GPATCH8: variants seen among roughly 807,000 people sequenced by gnomAD.
GPATCH8 encodes the protein G-patch domain containing 8, also known as G patch domain-containing protein 8.
Under a neutral mutation model 118.3 loss-of-function variants are expected in GPATCH8, and 18 were observed. That is an observed-to-expected ratio of 0.15 (90% CI 0.11 to 0.23). The LOEUF is 0.23. GPATCH8 is among the 10% of genes least tolerant of loss of function. The pLI is 1.00. For missense variants in GPATCH8, 1,631 were observed against 1,873.8 expected, an observed-to-expected ratio of 0.87 and a Z score of 2.39; for synonymous variants, 659 against 684.7, an observed-to-expected ratio of 0.96 and a Z score of 0.59.
intron 1 of GPATCH8, among the ~76,000 whole-genome samples, chr17:44,499,913 A>C (rs1401269802): frequency 1.3e-5 from 2 of 151,930 alleles, no homozygotes; most frequent in African/African-American, 2.4e-5. Context: ...AAAAAAAAAA[A>C]CACTTAAAAG....
chr17:44,427,469 T>TA (rs1412081555), intron 5 of GPATCH8, among the ~76,000 whole-genome samples: 2 of 152,064 alleles, frequency 1.3e-5, no homozygotes, highest in Admixed American at 1.3e-4. Flanking sequence ...TTTACTCCTA[T>TA]AACTAAGGTT....
intron 5 of GPATCH8, among the ~76,000 whole-genome samples, chr17:44,432,191 T>G (rs1477260780): frequency 1.3e-5 from 2 of 151,228 alleles, no homozygotes; most frequent in Non-Finnish European, 2.9e-5. Flanking sequence ...ACAGGGAGAG[T>G]TAGGATCCAG....
chr17:44,464,600 T>C (rs2051686487), intron 2 of GPATCH8, 56 bp from the exon 3 acceptor site: 1 of 1,000,048 alleles, frequency 1.0e-6, no homozygotes, highest in Admixed American at 1.7e-5. Flanking sequence ...TATTCTTCCC[T>C]TCCTAGAGAC....
intron 2 of GPATCH8, among the ~76,000 whole-genome samples, chr17:44,472,570 C>A (rs1967373706): frequency 6.6e-6 from 1 of 152,166 alleles, no homozygotes; most frequent in African/African-American, 2.4e-5. Flanking sequence ...TGTTGAGTAT[C>A]CACAGAATTA....
intron 3 of GPATCH8, among the ~76,000 whole-genome samples, chr17:44,440,859 A>AT (rs35065070): frequency 0.047 from 7,078 of 150,804 alleles, 526 homozygotes; most frequent in African/African-American, 0.16. Flanking sequence ...GGGAAACACC[A>AT]TTTTTTTTTG....
intron 6 of GPATCH8, among the ~76,000 whole-genome samples, chr17:44,421,397 G>A (rs375053881): frequency 6.6e-6 from 1 of 151,760 alleles, no homozygotes; most frequent in African/African-American, 2.4e-5. Flanking sequence ...ATGGAGTCTC[G>A]CTCTGTCACC....
chr17:44,437,575 C>T (rs1318616590), intron 3 of GPATCH8, among the ~76,000 whole-genome samples: 1 of 151,732 alleles, frequency 6.6e-6, no homozygotes, highest in African/African-American at 2.4e-5. Flanking sequence ...TACACACACA[C>T]ATATATATAT....
intron 5 of GPATCH8, 69 bp from the exon 6 acceptor site, chr17:44,424,561 GA>G: frequency 8.7e-7 from 1 of 1,142,934 alleles, no homozygotes; most frequent in South Asian, 1.2e-5. Context: ...ATGTTATAGA[GA>G]AAACAGTCTA....
intron 3 of GPATCH8, among the ~76,000 whole-genome samples, chr17:44,446,981 T>A (rs1008626493): frequency 3.3e-5 from 5 of 150,964 alleles, no homozygotes; most frequent in African/African-American, 9.8e-5. Context: ...ATTACAGGCA[T>A]GCATCACCAT....
chr17:44,459,503 A>T (rs916199484), intron 3 of GPATCH8, among the ~76,000 whole-genome samples: 3 of 152,196 alleles, frequency 2.0e-5, no homozygotes, highest in Non-Finnish European at 2.9e-5. Flanking sequence ...GTAGTGCCAA[A>T]ATCAAACCCA....
chr17:44,402,345 A>T (rs1366496750), intron 7 of GPATCH8, among the ~76,000 whole-genome samples: 1 of 151,770 alleles, frequency 6.6e-6, no homozygotes, highest in African/African-American at 2.4e-5. Flanking sequence ...AAAAAAAAAA[A>T]AAAGTAAGAC....
rs2144044963 is a variant in GPATCH8, at chr17:44,436,523, G to A, written c.216C>T (p.Ile72=). ...SLQGRTDPIP[I]VVKYDVMGMG... Reference sequence around the variant, plus strand: ...TGCCCATGACATCATACTTGACAACGATTGGAATGGGATCTGTTCTCCCTG... The same window carrying A: ...TGCCCATGACATCATACTTGACAACAATTGGAATGGGATCTGTTCTCCCTG... The change falls in exon 4 of 8, where the codon ATC becomes ATT. Residue 72 remains isoleucine (I), a synonymous_variant. Transcript: ENST00000591680. 4 of 1,510,970 alleles carry A rather than the reference G, an allele frequency of 2.6e-6. No homozygotes were observed. Among genetic ancestry groups the A allele is most frequent in the South Asian group, 2.2e-5 (2 of 89,040 alleles). The allele number at this position is 1,510,970 out of a possible 1,614,324, so 93.6% of individuals were successfully genotyped here.
chr17:44,447,242 C>T (rs1375605907), intron 3 of GPATCH8, among the ~76,000 whole-genome samples: 2 of 151,908 alleles, frequency 1.3e-5, no homozygotes, highest in Non-Finnish European at 2.9e-5. Flanking sequence ...GCAACCTCTA[C>T]CTCCTGGGTT....
chr17:44,451,289 C>T (rs569273162), intron 3 of GPATCH8, among the ~76,000 whole-genome samples: 2 of 152,196 alleles, frequency 1.3e-5, no homozygotes, highest in South Asian at 2.1e-4. Flanking sequence ...GAGAGGGTTT[C>T]GCCATGTTGG....
chr17:44,460,568 A>G (rs1221044587), intron 3 of GPATCH8, among the ~76,000 whole-genome samples: 1 of 152,198 alleles, frequency 6.6e-6, no homozygotes. Flanking sequence ...TGTTGGCAAA[A>G]GCCTTGCATG....
At chr17:44,413,962 C>T (rs866721844) in intron 6 of GPATCH8, among the ~76,000 whole-genome samples, 57 of 151,522 alleles carry the variant, frequency 3.8e-4, no homozygotes, top group African/African-American at 1.4e-3. Flanking sequence ...CATAAAATTA[C>T]CATGTAATGC....
At chr17:44,468,545 GCC>G (rs1323124007) in intron 2 of GPATCH8, among the ~76,000 whole-genome samples, 1 of 151,390 alleles carries the variant, frequency 6.6e-6, no homozygotes, top group Non-Finnish European at 1.5e-5. Context: ...GAGCCACCAT[GCC>G]CAGCCAATTT....
intron 6 of GPATCH8, among the ~76,000 whole-genome samples, chr17:44,421,017 AT>A (rs576849762): frequency 6.6e-6 from 1 of 151,702 alleles, no homozygotes; most frequent in African/African-American, 2.4e-5. Context: ...CGCCTGGCTA[AT>A]TTTTTTTATT....
chr17:44,401,273 A>G lies in GPATCH8; in HGVS notation c.804T>C (p.Asn268=), dbSNP rs2049011997. The G allele has an allele frequency of 6.2e-7, 1 of 1,613,306 alleles. No individual in the cohort carries two copies. The change falls in exon 8 of 8, where the codon AAT becomes AAC. Residue 268 remains asparagine, a synonymous_variant. Transcript: ENST00000591680. ...GGPFTAVQIT[N]TTGLAQAPGL... ...CAGGAGCCTGGGCCAGTCCAGTGGTATTAGTGATTTGTACTGCAGTGAAAG... is the reference window on the plus strand; with the variant it reads ...CAGGAGCCTGGGCCAGTCCAGTGGTGTTAGTGATTTGTACTGCAGTGAAAG...
Sources: allele counts gnomAD v4.1 joint callset (sites outside exome capture counted in the v4.1 genomes callset), GRCh38; gene constraint gnomAD v4.1.1; transcripts MANE v1.5; gene names NCBI Gene and HGNC (gene_info 2026-07-23, HGNC 2026-07-21).